MIF4GD: variants seen among roughly 807,000 people sequenced by gnomAD.
The protein encoded by MIF4GD is MIF4G domain-containing protein.
MIF4GD carries 22 observed loss-of-function variants against 26.7 expected under a neutral mutation model. The observed-to-expected ratio is 0.82, with a 90% CI of 0.59 to 1.18. The LOEUF (loss-of-function observed/expected upper bound fraction) is 1.18. MIF4GD is among the 50% of genes most tolerant of loss of function. The probability of loss-of-function intolerance (pLI) is 0.00; values close to 1 mark genes in which losing one functional copy is unlikely to be tolerated. For missense variants in MIF4GD, 262 were observed against 279.6 expected, an observed-to-expected ratio of 0.94 and a Z score of 0.45; for synonymous variants, 137 against 111.6, an observed-to-expected ratio of 1.23 and a Z score of -1.43.
rs202171395 is a variant in MIF4GD, at chr17:75,267,560, T to G, written c.419A>C (p.Asp140Ala). The G allele has an allele frequency of 1.7e-4, 273 of 1,613,968 alleles. No homozygotes were observed. Among genetic ancestry groups the G allele is most frequent in the Non-Finnish European group, 2.1e-4 (253 of 1,179,840 alleles). ...CACCTCCTCCTCCTTGCTCAAACTG[T>G]CTGGCTGGGCCAGCCGGAAGAGGCA... is the stretch of plus-strand genomic sequence containing the variant. The part of the protein sequence containing the change: ...YDCLFRLAQP[D>A]SLSKEEEVDC... Residue 140 changes from aspartate to alanine, a missense_variant, in exon 5 of 6, where the codon GAC becomes GCC. Physicochemically the swap from Asp to Ala is moderately radical, Grantham distance 126. Transcript: ENST00000325102.
rs2077611115 is a variant in MIF4GD, at chr17:75,269,001, T to C, written c.83-809A>G. On this transcript the variant is annotated intron_variant, in intron 2 of 5. Coordinates refer to ENST00000325102, the MANE Select transcript of MIF4GD (RefSeq NM_001370592.1). ...CTTGGGCAAGAAGAGCGAAACTGTC[T>C]CAAAAAAAAAAAAGGGAAAAGAAAC... Among the ~76,000 whole-genome samples, 3 of 147,122 alleles carry C rather than the reference T, an allele frequency of 2.0e-5. No homozygotes were observed. In the South Asian group the frequency reaches 6.4e-4, roughly 31 times the overall value.
intron 2 of MIF4GD, among the ~76,000 whole-genome samples, chr17:75,269,912 C>A (rs1456036532): frequency 6.6e-6 from 1 of 151,970 alleles, no homozygotes; most frequent in Non-Finnish European, 1.5e-5. Context: ...TCTTTACAGT[C>A]TGAGAGGTGA....
In MIF4GD at chr17:75,268,048, T is replaced by A. The variant is rs1224628224; in HGVS notation, c.192+35A>T. The A allele has an allele frequency of 3.1e-6, 5 of 1,609,192 alleles. No homozygotes were observed. In the South Asian group the frequency reaches 5.5e-5, roughly 18 times the overall value. ...TCTGCCCACTCCTGAAGCACCTTCC[T>A]CAAAGCAGCTTCCTTTCCTCTCCCA... On this transcript the variant is annotated intron_variant, in intron 3 of 5. Coordinates refer to ENST00000325102, the MANE Select transcript of MIF4GD (RefSeq NM_001370592.1).
At position 75,267,528 on chromosome 17, in the gene MIF4GD, G is replaced by C; in HGVS notation, c.441+10C>G. The C allele has an allele frequency of 6.2e-7, 1 of 1,613,870 alleles. No individual in the cohort carries two copies. The highest frequency in any genetic ancestry group is 1.7e-4 in the Middle Eastern group (1 of 5,968). On this transcript the variant is annotated intron_variant, in intron 5 of 5. Coordinates refer to ENST00000325102, the MANE Select transcript of MIF4GD (RefSeq NM_001370592.1). Reference sequence around the variant, plus strand: ...CCTTCTGTGCTTGTGCCAGGGCTGGGGCCACCCACCTCCTCCTCCTTGCTC... The same window carrying C: ...CCTTCTGTGCTTGTGCCAGGGCTGGCGCCACCCACCTCCTCCTCCTTGCTC...
intron 3 of MIF4GD, 69 bp downstream of exon 3, chr17:75,268,014 G>T: frequency 2.5e-6 from 4 of 1,605,350 alleles, no homozygotes; most frequent in South Asian, 1.1e-5. Flanking sequence ...TGTCCTGCAG[G>T]CCAGGCCTTC....
intron 4 of MIF4GD, 31 bp from the exon 5 acceptor site, chr17:75,267,661 G>A: frequency 6.2e-7 from 1 of 1,613,950 alleles, no homozygotes; most frequent in Non-Finnish European, 8.5e-7. Flanking sequence ...CAGAGCACCA[G>A]GCTTAGTGGC....
chr17:75,267,783 T>A lies in MIF4GD; in HGVS notation c.311A>T (p.Tyr104Phe), dbSNP rs148422968. 3 of 1,613,952 alleles carry A rather than the reference T, an allele frequency of 1.9e-6. No homozygotes were observed. The highest frequency in any genetic ancestry group is 1.1e-5 in the South Asian group (1 of 91,080). Residue 104 changes from tyrosine to phenylalanine, a missense_variant, in exon 4 of 6, where the codon TAT becomes TTT. Tyr to Phe is a conservative substitution (Grantham distance 22, BLOSUM62 3). Coordinates refer to ENST00000325102, the MANE Select transcript of MIF4GD (RefSeq NM_001370592.1). ...RARSLQGWVC[Y>F]VTFICNIFDY... is the part of the protein sequence containing the mutation. The stretch of plus-strand genomic sequence containing the variant: ...AAAGATGTTGCAGATAAAGGTGACA[T>A]AGCAGACCCAGCCCTGCAGGGAGCG...
At position 75,266,265 on chromosome 17, in the gene MIF4GD, G is replaced by A. The variant is rs1162381858; in HGVS notation, c.*475C>T. On this transcript the variant is annotated 3_prime_UTR_variant, in exon 6 of 6. Coordinates refer to ENST00000325102, the MANE Select transcript of MIF4GD (RefSeq NM_001370592.1). ...AAAAGATTTATTAGAAAATTCTCAC[G>A]CTGAACTGGTGTAGCATGTGGTGCA... 1.8e-5 allele frequency: 7 copies of A among 381,288 alleles called. No individual in the cohort carries two copies. Among genetic ancestry groups the A allele is most frequent in the South Asian group, 5.2e-5 (2 of 38,260 alleles). 23.6% of individuals were successfully genotyped at this position (381,288 alleles called of 1,614,324 possible).
Position 75,266,757 on chromosome 17 carries a change from T to G in MIF4GD, c.652A>C (p.Ser218Arg). 6.2e-7 allele frequency: 1 copy of G among 1,614,210 alleles called. No individual in the cohort carries two copies. The highest frequency in any genetic ancestry group is 8.5e-7 in the Non-Finnish European group (1 of 1,180,038). The stretch of plus-strand genomic sequence containing the variant: ...CTGGAGGCCTAGTCGGAGACTTCGC[T>G]GTAGTAATACTTGTGGGCAGCTGGC... ...TTPAAHKYYY[S>R]EVSD The change falls in exon 6 of 6, where the codon AGC (serine) becomes CGC (arginine). Residue 218 changes from serine (S) to arginine (R), a missense_variant. Ser to Arg is a moderately radical substitution (Grantham distance 110). Transcript: ENST00000325102.
Position 75,266,876 on chromosome 17 carries a change from C to G in MIF4GD, c.533G>C (p.Arg178Pro). The G allele has an allele frequency of 6.2e-7, 1 of 1,614,214 alleles. No individual in the cohort carries two copies. Among genetic ancestry groups the G allele is most frequent in the Non-Finnish European group, 8.5e-7 (1 of 1,180,040 alleles). The change falls in exon 6 of 6, where the codon CGG (arginine) becomes CCG (proline). Residue 178 changes from arginine (R) to proline (P), a missense_variant. Physicochemically the swap from Arg to Pro is moderately radical, Grantham distance 103 (BLOSUM62 -2). Transcript: ENST00000325102. ...QRMDELFVLI[R>P]DGFLLPTGLS... is the part of the protein sequence containing the mutation. ...GCCAGTTGGGAGCAGGAAGCCATCCCGGATCAGCACAAAGAGCTCATCCAT... is the reference window on the plus strand; with the variant it reads ...GCCAGTTGGGAGCAGGAAGCCATCCGGGATCAGCACAAAGAGCTCATCCAT...
rs115133838 is a variant in MIF4GD at position 75,266,717 on chromosome 17, T to C, written c.*23A>G. On this transcript the variant is annotated 3_prime_UTR_variant, in exon 6 of 6. Coordinates refer to ENST00000325102, the MANE Select transcript of MIF4GD (RefSeq NM_001370592.1). Reference sequence around the variant, plus strand: ...TGGGTAGAAGAAAGGCCAGTGCTGGTGAGGAAGCCCTGATCTGGAGGCCTA... The same window carrying C: ...TGGGTAGAAGAAAGGCCAGTGCTGGCGAGGAAGCCCTGATCTGGAGGCCTA... 1.7e-3 allele frequency: 2,693 copies of C among 1,607,688 alleles called. 39 individuals carry two copies. The African/African-American group carries it at 0.032, about 19-fold the overall frequency.
chr17:75,268,545 T>G (rs2077589453), intron 2 of MIF4GD, among the ~76,000 whole-genome samples: 1 of 151,278 alleles, frequency 6.6e-6, no homozygotes, highest in African/African-American at 2.4e-5. Flanking sequence ...GTGCGTCATC[T>G]CATGTCATCC....
In MIF4GD at chr17:75,271,028, C is replaced by T. The variant is rs1439509078; in HGVS notation, c.-51+116G>A. 1 of 152,058 alleles carries T rather than the reference C, an allele frequency of 6.6e-6. No individual in the cohort carries two copies. Among genetic ancestry groups the T allele is most frequent in the Non-Finnish European group, 1.5e-5 (1 of 67,970 alleles). The allele number at this position is 152,058 out of a possible 1,614,324, so 9.4% of individuals were successfully genotyped here. A position where few individuals can be genotyped will look rare whatever the true frequency, so the allele number is the denominator to read the frequency against. On this transcript the variant is annotated intron_variant, in intron 1 of 5. Coordinates refer to ENST00000325102, the MANE Select transcript of MIF4GD (RefSeq NM_001370592.1). The surrounding 1 kb of genome is among the most constrained non-coding windows in gnomAD (Gnocchi z 4.2). ...TAGGAGGCGCCTTTAGGGTCTCCAG[C>T]CCTCGGCCGTTCCCCCCGCGCCCGG...
chr17:75,269,516 G>A, intron 2 of MIF4GD: 1 of 1,542,982 alleles, frequency 6.5e-7, no homozygotes. Context: ...CGCTTCAAGG[G>A]CAGGAGCCGT....
chr17:75,270,268 G>A lies in MIF4GD; in HGVS notation c.-50-23C>T. The A allele has an allele frequency of 7.3e-7, 1 of 1,370,060 alleles. No individual in the cohort carries two copies. The highest frequency in any genetic ancestry group is 1.0e-6 in the Non-Finnish European group (1 of 961,516). 84.9% of individuals were successfully genotyped at this position (1,370,060 alleles called of 1,614,324 possible). A position where few individuals can be genotyped will look rare whatever the true frequency, so the allele number is the denominator to read the frequency against. ...CACCTGAGGAGAAGAGGCGAAGGGA[G>A]CGGCCTCAGGTGTGGAGCGCAGGGC... On this transcript the variant is annotated intron_variant, in intron 1 of 5. Transcript: ENST00000325102. This position sits in a 1 kb window ranked among gnomAD's most constrained non-coding sequence, Gnocchi z 5.7.
Position 75,268,173 on chromosome 17 carries a change from C to T in MIF4GD, c.102G>A (p.Leu34=). The change falls in exon 3 of 6, where the codon TTG becomes TTA. Residue 34 remains leucine, a synonymous_variant. Transcript: ENST00000325102. ...CCACAATCACATTGGCCACTTTCTCCAAGTCCACAGCACCCGGATCTAGGG... is the reference window on the plus strand; with the variant it reads ...CCACAATCACATTGGCCACTTTCTCTAAGTCCACAGCACCCGGATCTAGGG... The part of the protein sequence containing the change: ...TALKDPGAVD[L]EKVANVIVDH... The T allele has an allele frequency of 1.9e-6, 3 of 1,614,180 alleles. No individual in the cohort carries two copies. Among genetic ancestry groups the T allele is most frequent in the Non-Finnish European group, 2.5e-6 (3 of 1,180,000 alleles).
Position 75,267,916 on chromosome 17 carries a change from G to A in MIF4GD, c.193-15C>T. Reference sequence around the variant, plus strand: ...TTACTCTCTGCCTGTGAGCCAGGGAGAGGAAGGTGAAGGGTGGGGGGCGGT... The same window carrying A: ...TTACTCTCTGCCTGTGAGCCAGGGAAAGGAAGGTGAAGGGTGGGGGGCGGT... On this transcript the variant is annotated splice_polypyrimidine_tract_variant and intron_variant, in intron 3 of 5. Transcript: ENST00000325102. 1 of 1,608,486 alleles carries A rather than the reference G, an allele frequency of 6.2e-7. No homozygotes were observed.
At chr17:75,269,346 C>A (rs2077623966) in intron 2 of MIF4GD, 3 of 1,613,846 alleles carry the variant, frequency 1.9e-6, no homozygotes, top group Non-Finnish European at 2.5e-6. Flanking sequence ...TGAAGACAAA[C>A]CTCTGTACTG....
chr17:75,267,792 C>T lies in MIF4GD; in HGVS notation c.302G>A (p.Trp101Ter). The T allele has an allele frequency of 1.2e-6, 2 of 1,614,018 alleles. No homozygotes were observed. Among genetic ancestry groups the T allele is most frequent in the Non-Finnish European group, 1.7e-6 (2 of 1,179,986 alleles). Residue 101 changes from tryptophan to a stop codon, truncating the protein, a stop_gained, in exon 4 of 6, where the codon TGG (tryptophan) becomes TAG (stop). Coordinates refer to ENST00000325102, the MANE Select transcript of MIF4GD (RefSeq NM_001370592.1). LOFTEE classifies it high-confidence loss of function. ...GCAGATAAAGGTGACATAGCAGACC[C>T]AGCCCTGCAGGGAGCGTGCTCGCAG... ...EQLRARSLQG[W>*]VCYVTFICNI...
Sources: gnomAD v4.1 joint callset for allele counts (sites outside exome capture counted in the v4.1 genomes callset) on GRCh38, gnomAD v4.1.1 for gene constraint, Gnocchi (gnomAD v3.1) non-coding constraint, MANE v1.5 for transcripts, NCBI Gene and HGNC (gene_info 2026-07-23, HGNC 2026-07-21) for gene names.